Variants in STOX2 observed in about 807,000 individuals in gnomAD.
The protein encoded by STOX2 is storkhead-box protein 2.
In STOX2, 28 loss-of-function variants were observed where a neutral mutation model predicts 60.9. The ratio of observed to expected loss-of-function variants is 0.46; its 90% CI spans 0.34 to 0.63. STOX2 has a LOEUF of 0.63. Ranked by LOEUF, STOX2 falls within the 30% of genes least tolerant of loss-of-function variation. STOX2 has a pLI of 0.01. For synonymous variants in STOX2, 472 were observed against 463.9 expected, an observed-to-expected ratio of 1.02 and a Z score of -0.22; for missense variants, 1,024 against 1,187.7, an observed-to-expected ratio of 0.86 and a Z score of 2.03.
At chr4:183,851,701 C>T (rs369359837) in intron 1 of STOX2, among the ~76,000 whole-genome samples, 2 of 30,956 alleles carry the variant, frequency 6.5e-5, no homozygotes, top group African/African-American at 3.2e-4. Context: ...ATGAGAGAAA[C>T]GATGAGGGAA....
intron 1 of STOX2, among the ~76,000 whole-genome samples, chr4:183,811,043 G>A (rs779074193): frequency 6.6e-6 from 1 of 152,102 alleles, no homozygotes; most frequent in Non-Finnish European, 1.5e-5. Context: ...TTGTCAAACC[G>A]ATTTAGTGCA....
At chr4:183,837,679 G>A (rs1353949949) in intron 1 of STOX2, among the ~76,000 whole-genome samples, 1 of 151,898 alleles carries the variant, frequency 6.6e-6, no homozygotes, top group Admixed American at 6.6e-5. Flanking sequence ...GGCTGGTCTC[G>A]AACTCCTGGC....
rs1740279993 is a variant in STOX2, at chr4:183,856,121, C to T, written c.364+58066C>T. Among the ~76,000 whole-genome samples the T allele has an allele frequency of 6.6e-6, 1 of 152,160 alleles. No individual in the cohort carries two copies. Among genetic ancestry groups the T allele is most frequent in the South Asian group, 2.1e-4 (1 of 4,828 alleles). On this transcript the variant is annotated intron_variant, in intron 1 of 2. Coordinates refer to the STOX2 transcript ENST00000513034. This position sits in a 1 kb window ranked among gnomAD's most constrained non-coding sequence, Gnocchi z 4.0. The stretch of plus-strand genomic sequence containing the variant: ...ACCTCTCAGAAACATCCTAAGTGCG[C>T]ACCCTGGGGTCTCGAATAGGCTGGT...
chr4:183,989,219 T>C (rs559069631), intron 1 of STOX2, among the ~76,000 whole-genome samples: 156 of 146,976 alleles, frequency 1.1e-3, no homozygotes, highest in South Asian at 5.0e-3. Context: ...TTTGGTTTTT[T>C]GAGACAGAGT....
At chr4:183,993,376 G>A (rs1733194658) in intron 1 of STOX2, among the ~76,000 whole-genome samples, 1 of 152,198 alleles carries the variant, frequency 6.6e-6, no homozygotes, top group African/African-American at 2.4e-5. Flanking sequence ...CGTGGGGGAT[G>A]TTAACTCATT....
intron 1 of STOX2, among the ~76,000 whole-genome samples, chr4:183,875,329 T>C (rs1211223794): frequency 6.6e-6 from 1 of 152,154 alleles, no homozygotes; most frequent in Non-Finnish European, 1.5e-5. Context: ...GGTGAATACC[T>C]TGGCTGGGGT....
rs73870940 is a variant in STOX2, at chr4:183,881,128, C to G, written c.364+83073C>G. On this transcript the variant is annotated intron_variant, in intron 1 of 2. Coordinates refer to the STOX2 transcript ENST00000513034. ...TTCCCCAAGGGCTGCTGAAGTTACT[C>G]GCAAGCTCAGAGATTGTCTAGGAAA... 6.6e-5 allele frequency among the ~76,000 whole-genome samples: 10 copies of G among 152,232 alleles called. No individual in the cohort carries two copies. The East Asian group carries it at 1.9e-3, about 29-fold the overall frequency.
chr4:183,891,014 G>A (rs1182848297), intron 1 of STOX2, among the ~76,000 whole-genome samples: 3 of 152,076 alleles, frequency 2.0e-5, no homozygotes, highest in Non-Finnish European at 2.9e-5. Flanking sequence ...GGAGCCTGAG[G>A]TGGGAAGATT....
chr4:183,943,687 G>A (rs1164515021), intron 1 of STOX2, among the ~76,000 whole-genome samples: 1 of 152,168 alleles, frequency 6.6e-6, no homozygotes, highest in Admixed American at 6.6e-5. Context: ...GACCAGCCTG[G>A]CCAATACAGT....
chr4:183,969,390 T>C (rs1248437260), intron 1 of STOX2, among the ~76,000 whole-genome samples: 1 of 152,192 alleles, frequency 6.6e-6, no homozygotes, highest in Non-Finnish European at 1.5e-5. Flanking sequence ...CAGTTTGATA[T>C]TTGGAAACAT....
At position 183,852,888 on chromosome 4, in the gene STOX2, T is replaced by C. The variant is rs564044033; in HGVS notation, c.364+54833T>C. The stretch of plus-strand genomic sequence containing the variant: ...CACACTTGTGATTGTAGGGTATGGG[T>C]GTCAACTGCTTTTTCAAACATAGAT... On this transcript the variant is annotated intron_variant, in intron 1 of 2. Transcript: ENST00000513034. Among the ~76,000 whole-genome samples the C allele has an allele frequency of 5.9e-5, 9 of 152,188 alleles. No homozygotes were observed. In the East Asian group the frequency reaches 1.5e-3, roughly 26 times the overall value.
chr4:183,841,322 C>T (rs892089441), intron 1 of STOX2, among the ~76,000 whole-genome samples: 4 of 151,978 alleles, frequency 2.6e-5, no homozygotes, highest in African/African-American at 9.7e-5. Context: ...AGGTGCATGC[C>T]ACCACACCAG....
At chr4:183,956,350 T>G (rs1028836388) in intron 1 of STOX2, among the ~76,000 whole-genome samples, 1 of 149,858 alleles carries the variant, frequency 6.7e-6, no homozygotes, top group Non-Finnish European at 1.5e-5. Context: ...TGTTAACATT[T>G]TGCTGCATTT....
At chr4:183,970,375 A>G (rs776867533) in intron 1 of STOX2, among the ~76,000 whole-genome samples, 2 of 152,172 alleles carry the variant, frequency 1.3e-5, no homozygotes, top group Non-Finnish European at 2.9e-5. Context: ...CCCAGCCACA[A>G]GCTGGACAGT....
intron 1 of STOX2, among the ~76,000 whole-genome samples, chr4:183,944,186 G>A (rs1192987795): frequency 1.3e-5 from 2 of 152,080 alleles, no homozygotes; most frequent in African/African-American, 4.8e-5. Flanking sequence ...TTACTTATCT[G>A]TTCATCCCTT....
upstream of STOX2, among the ~76,000 whole-genome samples, chr4:183,904,877 T>C (rs2111077634): frequency 6.6e-6 from 1 of 152,372 alleles, no homozygotes. Context: ...TGGCTTGTTT[T>C]TGCGATATCA....
At chr4:183,848,239 T>G (rs1299922667) in intron 1 of STOX2, among the ~76,000 whole-genome samples, 2 of 152,098 alleles carry the variant, frequency 1.3e-5, no homozygotes, top group Non-Finnish European at 2.9e-5. Flanking sequence ...AGAACTCAGG[T>G]GCTGTTGATC....
intron 1 of STOX2, among the ~76,000 whole-genome samples, chr4:183,977,445 A>G (rs989541698): frequency 6.6e-6 from 1 of 152,032 alleles, no homozygotes; most frequent in East Asian, 1.9e-4. Context: ...CCTTACTAGT[A>G]ATTTCACTTA....
intron 1 of STOX2, among the ~76,000 whole-genome samples, chr4:183,882,293 G>T (rs989006261): frequency 6.6e-6 from 1 of 152,068 alleles, no homozygotes; most frequent in Non-Finnish European, 1.5e-5. Flanking sequence ...CTGTTAATTG[G>T]CCCTTTACTC....
Sources: gnomAD v4.1 joint callset for allele counts (sites outside exome capture counted in the v4.1 genomes callset) on GRCh38, gnomAD v4.1.1 for gene constraint, Gnocchi (gnomAD v3.1) non-coding constraint, MANE v1.5 for transcripts, NCBI Gene and HGNC (gene_info 2026-07-23, HGNC 2026-07-21) for gene names.